MYO18A: variants seen among roughly 807,000 people sequenced by gnomAD.
MYO18A encodes myosin XVIIIA.
A neutral mutation model predicts 235.8 loss-of-function variants in MYO18A; 78 were observed. The ratio of observed to expected loss-of-function variants is 0.33; its 90% CI spans 0.28 to 0.40. The LOEUF (loss-of-function observed/expected upper bound fraction) is 0.40. Ranked by LOEUF, MYO18A falls within the 10% of genes least tolerant of loss-of-function variation. The pLI is 1.00. For missense variants in MYO18A, 2,215 were observed against 2,699.3 expected, an observed-to-expected ratio of 0.82 and a Z score of 3.98; for synonymous variants, 977 against 1,077.8, an observed-to-expected ratio of 0.91 and a Z score of 1.83.
chr17:29,088,296 C>T (rs1261444033), intron 37 of MYO18A, among the ~76,000 whole-genome samples: 5 of 151,538 alleles, frequency 3.3e-5, no homozygotes, highest in African/African-American at 7.3e-5. Flanking sequence ...CCTCGTGATC[C>T]GCCCACCTTG....
intron 1 of MYO18A, among the ~76,000 whole-genome samples, chr17:29,168,473 T>C (rs2068329919): frequency 6.6e-6 from 1 of 150,704 alleles, no homozygotes; most frequent in African/African-American, 2.4e-5. Context: ...ATGACATTTT[T>C]TCTCTCTCTC....
Position 29,111,702 on chromosome 17 carries a change from C to T in MYO18A, c.2740+20G>A, listed in dbSNP as rs369601094. The T allele has an allele frequency of 1.9e-6, 3 of 1,613,048 alleles. No individual in the cohort carries two copies. Among genetic ancestry groups the T allele is most frequent in the Non-Finnish European group, 2.5e-6 (3 of 1,179,572 alleles). Reference sequence around the variant, plus strand: ...ATGTAAGAGGAAGCAGAGGAGCTACCCTCTAGGGATGCCACCTACCTTTTT... The same window carrying T: ...ATGTAAGAGGAAGCAGAGGAGCTACTCTCTAGGGATGCCACCTACCTTTTT... On this transcript the variant is annotated intron_variant, in intron 16 of 41. Coordinates refer to ENST00000527372, the MANE Select transcript of MYO18A (RefSeq NM_078471.4). This position sits in a 1 kb window ranked among gnomAD's most constrained non-coding sequence, Gnocchi z 5.1.
At chr17:29,091,781 G>GC (rs1349972312) in intron 34 of MYO18A, 1 of 416,108 alleles carries the variant, frequency 2.4e-6, no homozygotes, top group Non-Finnish European at 4.8e-6. Flanking sequence ...CAAGGGGCCT[G>GC]CCCACTGGGG....
chr17:29,097,145 A>C (rs748737), intron 27 of MYO18A, 78 bp downstream of exon 27: 571,927 of 1,565,900 alleles, frequency 0.37, 112,174 homozygotes, highest in East Asian at 0.85. Flanking sequence ...CTGCCCCCAG[A>C]GTTCACTGGA....
Position 29,090,609 on chromosome 17 carries a change from G to T in MYO18A, c.5311C>A (p.Arg1771=). The change falls in exon 36 of 42, where the codon CGG becomes AGG. Residue 1771 remains arginine, a synonymous_variant. Coordinates refer to ENST00000527372, the MANE Select transcript of MYO18A (RefSeq NM_078471.4). ...KHKAAVAQAS[R]DLAQINDLQA... is the part of the protein sequence containing the mutation. ...AGATCATTTATCTGAGCCAGGTCCC[G>T]GGAAGCCTGGGAAAGGAATGAGAGC... 1 of 1,596,852 alleles carries T rather than the reference G, an allele frequency of 6.3e-7. No individual in the cohort carries two copies. The highest frequency in any genetic ancestry group is 8.5e-7 in the Non-Finnish European group (1 of 1,171,108).
intron 20 of MYO18A, among the ~76,000 whole-genome samples, chr17:29,105,227 A>AGGGC (rs1296641330): frequency 1.1e-4 from 16 of 146,344 alleles, no homozygotes. Flanking sequence ...GGCAATATGG[A>AGGGC]GGGCGTGAGG....
In MYO18A at chr17:29,080,469, G is replaced by T. The variant is rs536395894; in HGVS notation, c.6020+1847C>A. 552 of 986,132 alleles carry T rather than the reference G, an allele frequency of 5.6e-4. No individual in the cohort carries two copies. The African/African-American group carries it at 9.2e-3, about 16-fold the overall frequency. The allele number at this position is 986,132 out of a possible 1,614,324, so 61.1% of individuals were successfully genotyped here. A position where few individuals can be genotyped will look rare whatever the true frequency, so the allele number is the denominator to read the frequency against. On this transcript the variant is annotated intron_variant, in intron 41 of 41. Transcript: ENST00000527372. ...CATCCCACTCCTCTAGGCAGCTCCG[G>T]CCCAGGGACAGGCGAGAATCAGGGC...
chr17:29,133,170 C>T (rs1467436255), intron 2 of MYO18A, among the ~76,000 whole-genome samples: 1 of 152,212 alleles, frequency 6.6e-6, no homozygotes, highest in African/African-American at 2.4e-5. Flanking sequence ...ACACTGGGTG[C>T]CCCCCAAGTG....
intron 2 of MYO18A, among the ~76,000 whole-genome samples, chr17:29,163,355 T>C (rs376510908): frequency 6.6e-6 from 1 of 152,192 alleles, no homozygotes; most frequent in Non-Finnish European, 1.5e-5. Context: ...CTGCTTGTGG[T>C]ATGAGTCCCC....
chr17:29,098,540 C>T, intron 23 of MYO18A, 95 bp from the exon 24 acceptor site: 1 of 1,437,164 alleles, frequency 7.0e-7, no homozygotes, highest in Non-Finnish European at 9.6e-7. Context: ...GCTGATGAAG[C>T]TTGGGCCAGG....
At chr17:29,153,018 G>A (rs1390349156) in intron 2 of MYO18A, among the ~76,000 whole-genome samples, 1 of 152,140 alleles carries the variant, frequency 6.6e-6, no homozygotes, top group Non-Finnish European at 1.5e-5. Context: ...CCTGGCCAAT[G>A]CTCACTGACT....
At chr17:29,152,572 A>G (rs115277606) in intron 2 of MYO18A, among the ~76,000 whole-genome samples, 2,861 of 152,268 alleles carry the variant, frequency 0.019, 85 homozygotes, top group African/African-American at 0.065. Context: ...GCGTGGGGAC[A>G]AGAATAAAGC....
intron 15 of MYO18A, among the ~76,000 whole-genome samples, chr17:29,112,957 C>T (rs2066968234): frequency 6.6e-6 from 1 of 152,184 alleles, no homozygotes; most frequent in Non-Finnish European, 1.5e-5. Flanking sequence ...GGGCCCCTTC[C>T]CCAGGGGTGC....
intron 41 of MYO18A, chr17:29,080,587 G>A (rs2066095808): frequency 1.2e-5 from 12 of 985,696 alleles, no homozygotes; most frequent in Admixed American, 6.1e-5. Flanking sequence ...GGAACCGGGC[G>A]AGCCCGACAG....
chr17:29,080,254 A>C (rs2066086739), intron 41 of MYO18A: 6 of 985,670 alleles, frequency 6.1e-6, no homozygotes, highest in Non-Finnish European at 6.0e-6. Flanking sequence ...GTAGCTCAAG[A>C]CCTCGTTGAC....
At chr17:29,153,826 G>A (rs147839196) in intron 2 of MYO18A, among the ~76,000 whole-genome samples, 54 of 152,280 alleles carry the variant, frequency 3.5e-4, no homozygotes, top group African/African-American at 1.2e-3. Flanking sequence ...GAAAATGGGC[G>A]GGACAAAGGG....
rs973067891 is a variant in MYO18A at position 29,095,002 on chromosome 17, C to G, written c.4443G>C (p.Arg1481=). The stretch of plus-strand genomic sequence containing the variant: ...TGTCCTTCTCCCGCTGCAGCTTCTC[C>G]CGCTGCAGCTTCTCCCGCTGGGCCT... The part of the protein sequence containing the change: ...HEEAQREKLQ[R]EKLQREKDML... Residue 1481 remains arginine (R), a synonymous_variant, in exon 29 of 42, where the codon CGG becomes CGC. Coordinates refer to ENST00000527372, the MANE Select transcript of MYO18A (RefSeq NM_078471.4). The G allele has an allele frequency of 1.9e-6, 3 of 1,582,436 alleles. No individual in the cohort carries two copies. Among genetic ancestry groups the G allele is most frequent in the Non-Finnish European group, 2.6e-6 (3 of 1,163,002 alleles).
intron 2 of MYO18A, chr17:29,128,232 C>T: frequency 2.6e-6 from 3 of 1,163,888 alleles, no homozygotes; most frequent in Non-Finnish European, 3.2e-6. Context: ...CTAGAAGCTG[C>T]CTTTTCTCCC....
rs138125516 is a variant in MYO18A, at chr17:29,120,962, C to G, written c.1585+36G>C. The G allele has an allele frequency of 6.3e-7, 1 of 1,590,064 alleles. No homozygotes were observed. Among genetic ancestry groups the G allele is most frequent in the South Asian group, 1.1e-5 (1 of 88,128 alleles). On this transcript the variant is annotated intron_variant, in intron 6 of 41. Transcript: ENST00000527372. This position sits in a 1 kb window ranked among gnomAD's most constrained non-coding sequence, Gnocchi z 4.2. Reference sequence around the variant, plus strand: ...CTCTCTCCTCACTCCCCTCCCCTCACCCCACTTTCAGTTTTCTCCCTTGTC... The same window carrying G: ...CTCTCTCCTCACTCCCCTCCCCTCAGCCCACTTTCAGTTTTCTCCCTTGTC...
Sources: allele counts gnomAD v4.1 joint callset (sites outside exome capture counted in the v4.1 genomes callset), GRCh38; gene constraint gnomAD v4.1.1; non-coding constraint Gnocchi (gnomAD v3.1); transcripts MANE v1.5; gene names NCBI Gene and HGNC (gene_info 2026-07-23, HGNC 2026-07-21).